The following ANK2 variants were observed in gnomAD, a reference collection of about 807,000 sequenced individuals.
ANK2 encodes the protein ankyrin 2.
ANK2 carries 83 observed loss-of-function variants against 360.5 expected under a neutral mutation model. That is an observed-to-expected ratio of 0.23 (90% confidence interval 0.19 to 0.28). ANK2 has a LOEUF of 0.28. ANK2 is among the 10% of genes least tolerant of loss of function. ANK2 has a pLI of 1.00. For synonymous variants in ANK2, 1,740 were observed against 1,759.5 expected (o/e 0.99, Z 0.28); for missense variants, 4,201 against 4,795.7 (o/e 0.88, Z 3.66).
At chr4:112,843,014 G>C (rs2062479462) in intron 1 of ANK2, among the ~76,000 whole-genome samples, 1 of 152,056 alleles carries the variant, frequency 6.6e-6, no homozygotes, top group Non-Finnish European at 1.5e-5. Context: ...CCAACCTCTG[G>C]TTCTGTTGTC....
intron 1 of ANK2, chr4:113,117,260 G>A (rs1192170093): frequency 2.2e-6 from 1 of 455,542 alleles, no homozygotes; most frequent in Non-Finnish European, 4.4e-6. Flanking sequence ...CTGATCCTCT[G>A]CTACTGCTTC....
chr4:112,823,571 CA>C (rs34386421), intron 1 of ANK2, among the ~76,000 whole-genome samples: 19,164 of 143,322 alleles, frequency 0.13, 1,893 homozygotes, highest in East Asian at 0.5. Context: ...AGAGGAAATG[CA>C]AAAAAAAAAA....
chr4:113,245,946 A>G (rs1219834507), intron 9 of ANK2, among the ~76,000 whole-genome samples: 2 of 152,132 alleles, frequency 1.3e-5, no homozygotes, highest in Admixed American at 6.5e-5. Flanking sequence ...CTGGAATTAC[A>G]GGCATGTGCC....
rs1049323716 is a variant in ANK2, at chr4:113,145,700, C to A, written c.85-28716C>A. ...GGTTTTGAGTTCTCTCTGACACCAGCAAGCCAGCTAGCAGATGGGGAGAAC... is the reference window on the plus strand; with the variant it reads ...GGTTTTGAGTTCTCTCTGACACCAGAAAGCCAGCTAGCAGATGGGGAGAAC... On this transcript the variant is annotated intron_variant, in intron 1 of 45. Transcript: ENST00000357077. 3.9e-5 allele frequency: 44 copies of A among 1,140,654 alleles called. No homozygotes were observed. In the East Asian group the frequency reaches 2.4e-3, roughly 62 times the overall value. The allele number at this position is 1,140,654 out of a possible 1,614,324, so 70.7% of individuals were successfully genotyped here. A position where few individuals can be genotyped will look rare whatever the true frequency, so the allele number is the denominator to read the frequency against.
At chr4:112,774,852 A>G in the ANK2 span, among the ~76,000 whole-genome samples, 1 of 152,230 alleles carries the variant, frequency 6.6e-6, no homozygotes, top group African/African-American at 2.4e-5. Flanking sequence ...ACAATGGGAA[A>G]TTTTGAACGT....
intron 1 of ANK2, among the ~76,000 whole-genome samples, chr4:113,054,206 A>G (rs1231852101): frequency 1.3e-5 from 2 of 152,310 alleles, no homozygotes; most frequent in Middle Eastern, 3.4e-3. Flanking sequence ...TATCAGCACC[A>G]TTATTTTCAA....
intron 1 of ANK2, among the ~76,000 whole-genome samples, chr4:113,060,240 T>A (rs1267678406): frequency 6.6e-6 from 1 of 152,130 alleles, no homozygotes; most frequent in African/African-American, 2.4e-5. Flanking sequence ...TATAGAAAAA[T>A]TATTTATTAG....
At chr4:112,712,074 A>T in the ANK2 span, among the ~76,000 whole-genome samples, 10 of 148,542 alleles carry the variant, frequency 6.7e-5, no homozygotes, top group Admixed American at 1.3e-4. Context: ...ATATATATTT[A>T]TTTTTATTTA....
At chr4:113,110,739 A>G (rs1265039914) in intron 1 of ANK2, among the ~76,000 whole-genome samples, 1 of 152,154 alleles carries the variant, frequency 6.6e-6, no homozygotes, top group Non-Finnish European at 1.5e-5. Flanking sequence ...ATGTTTTATA[A>G]GTATTCTATA....
chr4:113,379,139 C>T (rs1233441853), intron 45 of ANK2, among the ~76,000 whole-genome samples: 1 of 152,160 alleles, frequency 6.6e-6, no homozygotes, highest in African/African-American at 2.4e-5. Context: ...TAATTGCTCT[C>T]TCAGAACTTA....
chr4:113,232,693 T>TAA lies in ANK2; in HGVS notation c.483+442_483+443dup, dbSNP rs11442384. ...AGCACAGTTTCATGAGGAATGTCATTAAAAAAAAACCCTGTACCTTATTGA... is the reference window on the plus strand; with the variant it reads ...AGCACAGTTTCATGAGGAATGTCATTAAAAAAAAAAACCCTGTACCTTATTGA... On this transcript the variant is annotated intron_variant, in intron 5 of 45. Coordinates refer to ENST00000357077, the MANE Select transcript of ANK2 (RefSeq NM_001148.6). Among the ~76,000 whole-genome samples, 116 of 150,212 alleles carry TAA rather than the reference T, an allele frequency of 7.7e-4. 4 individuals carry two copies. The highest frequency in any genetic ancestry group is 1.7e-3 in the African/African-American group (71 of 41,006).
intron 27 of ANK2, among the ~76,000 whole-genome samples, chr4:113,331,588 T>C (rs963220882): frequency 1.8e-4 from 27 of 152,214 alleles, no homozygotes; most frequent in African/African-American, 6.5e-4. Context: ...TCAGATAGTT[T>C]AGGCTTTTTA....
At chr4:112,887,976 G>A (rs2078891512) in intron 1 of ANK2, among the ~76,000 whole-genome samples, 1 of 151,992 alleles carries the variant, frequency 6.6e-6, no homozygotes, top group Non-Finnish European at 1.5e-5. Flanking sequence ...TTTATTTTAA[G>A]CCATTTTGAG....
chr4:113,297,657 A>C (rs572970289), intron 22 of ANK2, among the ~76,000 whole-genome samples: 1 of 152,150 alleles, frequency 6.6e-6, no homozygotes, highest in Admixed American at 6.5e-5. Context: ...TTTTCTTTAA[A>C]TATAGGTCCA....
intron 10 of ANK2, among the ~76,000 whole-genome samples, chr4:113,250,161 A>T (rs2045362164): frequency 6.6e-6 from 1 of 152,226 alleles, no homozygotes; most frequent in African/African-American, 2.4e-5. Context: ...TATCTCTTAG[A>T]TGCTGAGTCT....
intron 41 of ANK2, among the ~76,000 whole-genome samples, chr4:113,366,926 A>G (rs2096560366): frequency 1.3e-5 from 2 of 152,270 alleles, no homozygotes; most frequent in East Asian, 3.9e-4. Context: ...CTCAATATAT[A>G]TCTGTTGAAT....
chr4:113,146,143 T>A, intron 1 of ANK2: 1 of 914,642 alleles, frequency 1.1e-6, no homozygotes, highest in South Asian at 1.9e-5. Flanking sequence ...CCTGACTACC[T>A]CTGATCAAGT....
chr4:113,097,315 A>T (rs1162256693), intron 1 of ANK2, among the ~76,000 whole-genome samples: 2 of 151,626 alleles, frequency 1.3e-5, no homozygotes, highest in African/African-American at 2.4e-5. Context: ...AGTTAATAGA[A>T]CTCATTCAGA....
chr4:112,919,727 A>C (rs1050521094), intron 2 of ANK2, among the ~76,000 whole-genome samples: 4 of 152,170 alleles, frequency 2.6e-5, no homozygotes, highest in Non-Finnish European at 4.4e-5. Flanking sequence ...AATTTTACTA[A>C]GTGTTTTGCA....
Sources: allele counts gnomAD v4.1 joint callset (sites outside exome capture counted in the v4.1 genomes callset), GRCh38; gene constraint gnomAD v4.1.1; transcripts MANE v1.5; gene names NCBI Gene and HGNC (gene_info 2026-07-23, HGNC 2026-07-21).